ADK: variants seen among roughly 807,000 people sequenced by gnomAD.
ADK encodes adenosine kinase.
A neutral mutation model predicts 44.7 loss-of-function variants in ADK; 24 were observed. The ratio of observed to expected loss-of-function variants is 0.54; its 90% confidence interval spans 0.39 to 0.76. The LOEUF (loss-of-function observed/expected upper bound fraction) is 0.76, where lower values mean the gene tolerates loss of function less well. Ranked by LOEUF, ADK falls within the 30% of genes least tolerant of loss-of-function variation. ADK has a pLI of 0.00. For missense variants in ADK, 321 were observed against 425.1 expected, an observed-to-expected ratio of 0.76 and a Z score of 2.15; for synonymous variants, 128 against 142.6, an observed-to-expected ratio of 0.90 and a Z score of 0.73.
At chr10:74,284,718 T>C (rs530125274) in intron 3 of ADK, among the ~76,000 whole-genome samples, 1 of 152,340 alleles carries the variant, frequency 6.6e-6, no homozygotes, top group Non-Finnish European at 1.5e-5. Flanking sequence ...GTAGTAATTC[T>C]CAAATGAGGT....
chr10:74,261,338 C>T (rs992319950), intron 3 of ADK, among the ~76,000 whole-genome samples: 4 of 152,062 alleles, frequency 2.6e-5, no homozygotes, highest in South Asian at 2.1e-4. Context: ...ATCATAGGTT[C>T]GAAACTCAAT....
At chr10:74,436,554 A>G (rs1374655338) in intron 6 of ADK, among the ~76,000 whole-genome samples, 2 of 152,108 alleles carry the variant, frequency 1.3e-5, no homozygotes, top group African/African-American at 4.8e-5. Flanking sequence ...CCTTAGGGCA[A>G]CTGATGAGAA....
chr10:74,638,529 C>T (rs750687751), intron 9 of ADK, among the ~76,000 whole-genome samples: 28 of 152,054 alleles, frequency 1.8e-4, no homozygotes, highest in Non-Finnish European at 3.2e-4. Flanking sequence ...TGGTGGCACA[C>T]GCCTGTAGTC....
rs143812518 is a variant in ADK, at chr10:74,419,393, C to T, written c.555+20814C>T. ...AGCATATTACTAGAAAAGCATCAAT[C>T]GGTCTTTCAGGTACAATACCAGAGG... is the stretch of plus-strand genomic sequence containing the variant. On this transcript the variant is annotated intron_variant, in intron 6 of 10. Transcript: ENST00000539909. 9.3e-3 allele frequency among the ~76,000 whole-genome samples: 1,421 copies of T among 152,170 alleles called. 42 individuals carry two copies. The highest frequency in any genetic ancestry group is 6.8e-3 in the Non-Finnish European group (461 of 68,002).
intron 4 of ADK, among the ~76,000 whole-genome samples, chr10:74,339,673 GT>G (rs1442714081): frequency 6.6e-6 from 1 of 152,176 alleles, no homozygotes; most frequent in Admixed American, 6.5e-5. Context: ...TGAAACTGTG[GT>G]GTTGGACATA....
chr10:74,260,102 A>G (rs1268088833), intron 3 of ADK, among the ~76,000 whole-genome samples: 8 of 152,164 alleles, frequency 5.3e-5, no homozygotes, highest in South Asian at 2.1e-4. Flanking sequence ...TTAACAATCA[A>G]ATAGAACAGA....
At chr10:74,453,050 C>T (rs1845827663) in intron 6 of ADK, among the ~76,000 whole-genome samples, 1 of 151,912 alleles carries the variant, frequency 6.6e-6, no homozygotes, top group African/African-American at 2.4e-5. Context: ...TTGTGCAAAC[C>T]GTGGTGATAG....
chr10:74,183,730 G>A (rs1333630582), intron 1 of ADK, among the ~76,000 whole-genome samples: 3 of 151,540 alleles, frequency 2.0e-5, no homozygotes, highest in Non-Finnish European at 4.4e-5. Flanking sequence ...GGCTGGTCTC[G>A]AACCCAGCCT....
At chr10:74,227,368 A>C (rs1844580522) in intron 3 of ADK, among the ~76,000 whole-genome samples, 1 of 152,210 alleles carries the variant, frequency 6.6e-6, no homozygotes, top group African/African-American at 2.4e-5. Flanking sequence ...ATTCTATAAG[A>C]GTACCAATAA....
intron 1 of ADK, among the ~76,000 whole-genome samples, chr10:74,172,922 G>A (rs1178226715): frequency 6.7e-6 from 1 of 149,488 alleles, no homozygotes; most frequent in African/African-American, 2.4e-5. Flanking sequence ...AAAAAAAAAC[G>A]GTTAGATGCA....
chr10:74,309,372 G>A (rs1163007559), intron 3 of ADK, among the ~76,000 whole-genome samples: 1 of 151,868 alleles, frequency 6.6e-6, no homozygotes, highest in African/African-American at 2.4e-5. Flanking sequence ...CTTGATTACT[G>A]TGTTGATCTT....
chr10:74,412,955 G>A (rs1844238130), intron 6 of ADK, among the ~76,000 whole-genome samples: 1 of 152,144 alleles, frequency 6.6e-6, no homozygotes, highest in Non-Finnish European at 1.5e-5. Context: ...CTACTCAGGA[G>A]GCTGAAGCAG....
chr10:74,487,345 T>G (rs1847301849), intron 6 of ADK, among the ~76,000 whole-genome samples: 1 of 151,914 alleles, frequency 6.6e-6, no homozygotes. Flanking sequence ...CTCTAAGAAA[T>G]ACAGCACTTA....
chr10:74,166,536 T>C (rs1273024616), intron 1 of ADK, among the ~76,000 whole-genome samples: 1 of 151,894 alleles, frequency 6.6e-6, no homozygotes, highest in Non-Finnish European at 1.5e-5. Flanking sequence ...CCCAGGCTGG[T>C]CTGAAACTCC....
chr10:74,229,341 G>A (rs1303512354), intron 3 of ADK, among the ~76,000 whole-genome samples: 3 of 150,980 alleles, frequency 2.0e-5, no homozygotes, highest in Non-Finnish European at 2.9e-5. Flanking sequence ...TATTTAAATG[G>A]AATGTGTAGG....
chr10:74,388,068 C>T (rs1843205434), intron 4 of ADK, among the ~76,000 whole-genome samples: 1 of 152,096 alleles, frequency 6.6e-6, no homozygotes, highest in African/African-American at 2.4e-5. Flanking sequence ...GCCACTATGC[C>T]TGGTTAATTT....
chr10:74,590,769 ATG>A (rs1851689972), intron 8 of ADK, among the ~76,000 whole-genome samples: 2 of 152,162 alleles, frequency 1.3e-5, no homozygotes, highest in Non-Finnish European at 1.5e-5. Context: ...GTAGGACAAA[ATG>A]TAATCATGGG....
intron 4 of ADK, among the ~76,000 whole-genome samples, chr10:74,373,847 A>G (rs1842743007): frequency 6.6e-6 from 1 of 152,220 alleles, no homozygotes; most frequent in African/African-American, 2.4e-5. Flanking sequence ...TGTTTATAGC[A>G]GCATTATGTA....
intron 3 of ADK, among the ~76,000 whole-genome samples, chr10:74,287,001 C>T (rs972217015): frequency 6.6e-6 from 1 of 151,946 alleles, no homozygotes; most frequent in Admixed American, 6.6e-5. Context: ...TCATTATTAT[C>T]GCTGTTTTAC....
Sources: allele counts gnomAD v4.1 joint callset (sites outside exome capture counted in the v4.1 genomes callset), GRCh38; gene constraint gnomAD v4.1.1; transcripts MANE v1.5; gene names NCBI Gene and HGNC (gene_info 2026-07-23, HGNC 2026-07-21).